Variants in EME2 observed in about 807,000 individuals in gnomAD.
The protein encoded by EME2 is structure-specific endonuclease subunit EME2.
In EME2, 58 loss-of-function variants were observed where a neutral mutation model predicts 41.9. The ratio of observed to expected loss-of-function variants is 1.38; its 90% confidence interval spans 1.12 to 1.72. The LOEUF (loss-of-function observed/expected upper bound fraction) is 1.72, where lower values mean the gene tolerates loss of function less well. Among genes scored for constraint, EME2 ranks in the 40% most tolerant of loss-of-function variants. The probability of loss-of-function intolerance (pLI) is 0.00; values close to 1 mark genes in which losing one functional copy is unlikely to be tolerated. For synonymous variants in EME2, 334 were observed against 239.3 expected, an observed-to-expected ratio of 1.40 and a Z score of -3.65; for missense variants, 695 against 541.9, an observed-to-expected ratio of 1.28 and a Z score of -2.81.
rs2042757958 is a variant in EME2 at position 1,779,186 on chromosome 16, C to T, written c.*2948C>T. The T allele has an allele frequency of 6.5e-6, 1 of 152,726 alleles. No individual in the cohort carries two copies. The highest frequency in any genetic ancestry group is 2.4e-5 in the African/African-American group (1 of 41,478). 9.5% of individuals were successfully genotyped at this position (152,726 alleles called of 1,614,324 possible). On this transcript the variant is annotated 3_prime_UTR_variant, in exon 8 of 8. Coordinates refer to ENST00000568449, the MANE Select transcript of EME2 (RefSeq NM_001257370.2). ...TTCTCCAGCCCCTTCACCCCTGTTC[C>T]ATTTTTCTTCTTTTGCTTCACTGAA...
In EME2 at chr16:1,778,456, G is replaced by A. The variant is rs760434523; in HGVS notation, c.*2218G>A. 20 of 1,610,372 alleles carry A rather than the reference G, an allele frequency of 1.2e-5. No homozygotes were observed. The highest frequency in any genetic ancestry group is 6.7e-5 in the African/African-American group (5 of 74,914). ...TCACACTCGTCTTCCTCTCCGCAGC[G>A]GCAGTCCCTGCCCCGGTGGGCCGAG... On this transcript the variant is annotated 3_prime_UTR_variant, in exon 8 of 8. Coordinates refer to ENST00000568449, the MANE Select transcript of EME2 (RefSeq NM_001257370.2).
chr16:1,778,589 G>A lies in EME2; in HGVS notation c.*2351G>A, dbSNP rs766691362. The A allele has an allele frequency of 5.8e-5, 91 of 1,578,976 alleles. No homozygotes were observed. Among genetic ancestry groups the A allele is most frequent in the East Asian group, 1.1e-4 (5 of 44,294 alleles). On this transcript the variant is annotated 3_prime_UTR_variant, in exon 8 of 8. Transcript: ENST00000568449. ...TGGATGGCGGCAGCGTGGAGTACTC[G>A]GGGTCGGAGTCCGAGTCGCTGTGCT...
chr16:1,775,005 C>G (rs1164766987), intron 3 of EME2, 36 bp from the exon 4 acceptor site: 2 of 1,560,554 alleles, frequency 1.3e-6, no homozygotes, highest in Non-Finnish European at 1.8e-6. Context: ...GCCGCAGCCT[C>G]CTGTGAACAA....
At chr16:1,774,074 A>G (rs1033476) in intron 2 of EME2, among the ~76,000 whole-genome samples, 186 bp from the exon 3 acceptor site, 129,694 of 152,278 alleles carry the variant, frequency 0.85, 55,791 homozygotes, top group African/African-American at 0.96. Context: ...GATTCCTGCC[A>G]GCCACAGAGA....
In EME2 at chr16:1,774,322, G is replaced by T; in HGVS notation, c.447G>T (p.Glu149Asp). ...QELLLLLEPE[E>D]FLQGVATLTQ... Reference sequence around the variant, plus strand: ...TGCTGCTGCTGCTGGAGCCCGAGGAGTTTCTGCAGGGCGTCGCCACACTGA... The same window carrying T: ...TGCTGCTGCTGCTGGAGCCCGAGGATTTTCTGCAGGGCGTCGCCACACTGA... Residue 149 changes from glutamate (E) to aspartate (D), a missense_variant, in exon 3 of 8, where the codon GAG becomes GAT. Glu to Asp is a conservative substitution (Grantham distance 45). Coordinates refer to ENST00000568449, the MANE Select transcript of EME2 (RefSeq NM_001257370.2). The T allele has an allele frequency of 6.2e-7, 1 of 1,612,824 alleles. No homozygotes were observed. The highest frequency in any genetic ancestry group is 8.5e-7 in the Non-Finnish European group (1 of 1,179,946).
In EME2 at chr16:1,776,324, T is replaced by C; in HGVS notation, c.*86T>C. 1 of 1,416,158 alleles carries C rather than the reference T, an allele frequency of 7.1e-7. No individual in the cohort carries two copies. The highest frequency in any genetic ancestry group is 9.8e-7 in the Non-Finnish European group (1 of 1,021,006). 87.7% of individuals were successfully genotyped at this position (1,416,158 alleles called of 1,614,324 possible). On this transcript the variant is annotated 3_prime_UTR_variant, in exon 8 of 8. Coordinates refer to ENST00000568449, the MANE Select transcript of EME2 (RefSeq NM_001257370.2). The stretch of plus-strand genomic sequence containing the variant: ...GTGGGGGAGGACCCCCAGCCACATG[T>C]GGACCCTCAGCCTGGGTGGGTTCTC...
chr16:1,777,727 A>C lies in EME2; in HGVS notation c.*1489A>C. On this transcript the variant is annotated 3_prime_UTR_variant, in exon 8 of 8. Transcript: ENST00000568449. ...TCGGGGTGACAGCTGAGAGGAGCTC[A>C]AGTCCTGTGACGGCCTCACCTATAC... 4 of 1,610,298 alleles carry C rather than the reference A, an allele frequency of 2.5e-6. No individual in the cohort carries two copies. Among genetic ancestry groups the C allele is most frequent in the Non-Finnish European group, 3.4e-6 (4 of 1,178,760 alleles).
In EME2 at chr16:1,775,302, C is replaced by A; in HGVS notation, c.570-13C>A. ...CCCATGGGGAGCGGGGAGGAATGGTCACCTCTGCTCAGGTCTCGCCAGCAC... is the reference window on the plus strand; with the variant it reads ...CCCATGGGGAGCGGGGAGGAATGGTAACCTCTGCTCAGGTCTCGCCAGCAC... On this transcript the variant is annotated splice_polypyrimidine_tract_variant and intron_variant, in intron 4 of 7. Coordinates refer to ENST00000568449, the MANE Select transcript of EME2 (RefSeq NM_001257370.2). 6.2e-7 allele frequency: 1 copy of A among 1,609,286 alleles called. No individual in the cohort carries two copies.
Position 1,775,701 on chromosome 16 carries a change from C to G in EME2, c.779+17C>G. On this transcript the variant is annotated intron_variant, in intron 6 of 7. Transcript: ENST00000568449. ...TCCCCTCAAGTGCGTGATGCCAAGG[C>G]TGAAGGGGGGCAGGATCACCTCAAG... is the stretch of plus-strand genomic sequence containing the variant. 2 of 1,612,882 alleles carry G rather than the reference C, an allele frequency of 1.2e-6. No individual in the cohort carries two copies. Among genetic ancestry groups the G allele is most frequent in the Non-Finnish European group, 1.7e-6 (2 of 1,179,962 alleles).
At position 1,777,175 on chromosome 16, in the gene EME2, A is replaced by G. The variant is rs746115126; in HGVS notation, c.*937A>G. 6 of 1,610,764 alleles carry G rather than the reference A, an allele frequency of 3.7e-6. No individual in the cohort carries two copies. The highest frequency in any genetic ancestry group is 1.3e-5 in the African/African-American group (1 of 74,882). ...GGTGGGCGGAGGTCGCTGCCTGGGG[A>G]TCGGACACTGGAGCCTTGCGGCGGC... On this transcript the variant is annotated 3_prime_UTR_variant, in exon 8 of 8. Coordinates refer to ENST00000568449, the MANE Select transcript of EME2 (RefSeq NM_001257370.2).
rs2042717875 is a variant in EME2 at position 1,776,701 on chromosome 16, C to G, written c.*463C>G. 3.3e-6 allele frequency: 1 copy of G among 305,258 alleles called. No individual in the cohort carries two copies. The highest frequency in any genetic ancestry group is 5.3e-5 in the South Asian group (1 of 18,818). 18.9% of individuals were successfully genotyped at this position (305,258 alleles called of 1,614,324 possible). On this transcript the variant is annotated 3_prime_UTR_variant, in exon 8 of 8. Transcript: ENST00000568449. Reference sequence around the variant, plus strand: ...CGGCCTCTGCACGGATACGTTTCAGCTCACGCCATGTGGGTGTTAGACATC... The same window carrying G: ...CGGCCTCTGCACGGATACGTTTCAGGTCACGCCATGTGGGTGTTAGACATC...
Position 1,781,403 on chromosome 16 carries a change from C to T in EME2, c.*5165C>T. 1 of 1,612,892 alleles carries T rather than the reference C, an allele frequency of 6.2e-7. No individual in the cohort carries two copies. The highest frequency in any genetic ancestry group is 1.1e-5 in the South Asian group (1 of 91,084). ...CCCAGTTAGTGGAGCCTGCTAGAGC[C>T]ACGGCCCGGGCATCTGCGTCTCGGC... On this transcript the variant is annotated 3_prime_UTR_variant, in exon 8 of 8. Coordinates refer to ENST00000568449, the MANE Select transcript of EME2 (RefSeq NM_001257370.2).
Position 1,775,065 on chromosome 16 carries a change from C to T in EME2, c.502C>T (p.Pro168Ser). Residue 168 changes from proline (P) to serine (S), a missense_variant, in exon 4 of 8, where the codon CCC becomes TCC. Pro to Ser is a moderately conservative substitution (Grantham distance 74). Transcript: ENST00000568449. ...GATCTCTGGCCCAACCCACTGGGTG[C>T]CCTGGATCTCCCCCGAGACCACCGC... The part of the protein sequence containing the change: ...TQISGPTHWV[P>S]WISPETTARP... 2 of 1,610,130 alleles carry T rather than the reference C, an allele frequency of 1.2e-6. No homozygotes were observed. The highest frequency in any genetic ancestry group is 1.7e-6 in the Non-Finnish European group (2 of 1,179,888).
chr16:1,776,369 T>A lies in EME2; in HGVS notation c.*131T>A. ...GTTCTCTGGCTGAGCAGGTCTGACC[T>A]CAGGGGAAGGGTGGGTGGTTGCAGG... On this transcript the variant is annotated 3_prime_UTR_variant, in exon 8 of 8. Transcript: ENST00000568449. 5 of 800,316 alleles carry A rather than the reference T, an allele frequency of 6.2e-6. No individual in the cohort carries two copies. The highest frequency in any genetic ancestry group is 1.0e-5 in the Non-Finnish European group (5 of 498,176). The allele number at this position is 800,316 out of a possible 1,614,324, so 49.6% of individuals were successfully genotyped here. A position where few individuals can be genotyped will look rare whatever the true frequency, so the allele number is the denominator to read the frequency against.
rs759904850 is a variant in EME2, at chr16:1,775,040, G to A, written c.478-1G>A. On this transcript the variant is annotated splice_acceptor_variant, in intron 3 of 7. Coordinates refer to ENST00000568449, the MANE Select transcript of EME2 (RefSeq NM_001257370.2). LOFTEE classifies it high-confidence loss of function. ...ACTGTGCCACACGTTCTCATCTTCA[G>A]ATCTCTGGCCCAACCCACTGGGTGC... 1.2e-6 allele frequency: 2 copies of A among 1,608,244 alleles called. No individual in the cohort carries two copies. The highest frequency in any genetic ancestry group is 8.5e-7 in the Non-Finnish European group (1 of 1,179,276).
intron 2 of EME2, 21 bp from the exon 3 acceptor site, chr16:1,774,239 C>T (rs1205694831): frequency 3.1e-6 from 5 of 1,604,168 alleles, no homozygotes; most frequent in African/African-American, 1.3e-5. Flanking sequence ...CAGGCAGCAG[C>T]GCGTCCCCAT....
chr16:1,773,158 C>T lies in EME2; in HGVS notation c.-70C>T. The T allele has an allele frequency of 1.4e-6, 2 of 1,403,062 alleles. No individual in the cohort carries two copies. Among genetic ancestry groups the T allele is most frequent in the Non-Finnish European group, 1.8e-6 (2 of 1,085,314 alleles). The allele number at this position is 1,403,062 out of a possible 1,614,324, so 86.9% of individuals were successfully genotyped here. On this transcript the variant is annotated 5_prime_UTR_variant, in exon 1 of 8. Transcript: ENST00000568449. ...CCTCAGCGGTCCGGCCGGAAGTCAC[C>T]GGAAGAGGCCGGTGTCCCAGGCTAA...
At chr16:1,775,741 C>T (rs772777847) in intron 6 of EME2, 56 bp from the exon 7 acceptor site, 38 of 1,612,330 alleles carry the variant, frequency 2.4e-5, no homozygotes, top group Admixed American at 3.3e-5. Flanking sequence ...TGGTGCCTCC[C>T]CGGCCTTTTG....
rs1896704960 is a variant in EME2 at position 1,781,401 on chromosome 16, G to C, written c.*5163G>C. The stretch of plus-strand genomic sequence containing the variant: ...GCCCCAGTTAGTGGAGCCTGCTAGA[G>C]CCACGGCCCGGGCATCTGCGTCTCG... On this transcript the variant is annotated 3_prime_UTR_variant, in exon 8 of 8. Coordinates refer to ENST00000568449, the MANE Select transcript of EME2 (RefSeq NM_001257370.2). The C allele has an allele frequency of 6.2e-7, 1 of 1,612,828 alleles. No homozygotes were observed.
Sources: gnomAD v4.1 joint callset for allele counts (sites outside exome capture counted in the v4.1 genomes callset) on GRCh38, gnomAD v4.1.1 for gene constraint, MANE v1.5 for transcripts, NCBI Gene and HGNC (gene_info 2026-07-23, HGNC 2026-07-21) for gene names.